The following MOCS1 variants were observed in gnomAD, a reference collection of about 807,000 sequenced individuals.
MOCS1 encodes molybdenum cofactor biosynthesis protein 1.
A neutral mutation model predicts 57.6 loss-of-function variants in MOCS1; 39 were observed. The observed-to-expected ratio is 0.68, with a 90% CI of 0.52 to 0.88. The LOEUF (loss-of-function observed/expected upper bound fraction) is 0.88, where lower values mean the gene tolerates loss of function less well. MOCS1 is among the 40% of genes least tolerant of loss of function. The pLI, the probability that MOCS1 is intolerant of heterozygous loss-of-function variation, is 0.00. For missense variants in MOCS1, 795 were observed against 831.1 expected (o/e 0.96, Z 0.53); for synonymous variants, 334 against 335.7 (o/e 1.00, Z 0.05).
chr6:39,904,507 T>C lies in MOCS1; in HGVS notation c.*1850A>G. ...TTAGATAAGTTTCTCTAGCTAATTT[T>C]GTGGCCAATGTAAAATTCGTCATCA... On this transcript the variant is annotated 3_prime_UTR_variant, in exon 11 of 11. Transcript: ENST00000340692. 2 of 454,396 alleles carry C rather than the reference T, an allele frequency of 4.4e-6. No homozygotes were observed. The highest frequency in any genetic ancestry group is 8.8e-6 in the Non-Finnish European group (2 of 226,966). 28.1% of individuals were successfully genotyped at this position (454,396 alleles called of 1,614,324 possible).
At chr6:39,925,403 C>T (rs1186837188) in intron 3 of MOCS1, among the ~76,000 whole-genome samples, 1 of 152,172 alleles carries the variant, frequency 6.6e-6, no homozygotes, top group Admixed American at 6.6e-5. Context: ...AGCCAGGTCA[C>T]GTGGGCCTCC....
intron 3 of MOCS1, among the ~76,000 whole-genome samples, chr6:39,920,243 A>G (rs1056059023): frequency 9.9e-5 from 15 of 152,222 alleles, no homozygotes; most frequent in African/African-American, 3.6e-4. Flanking sequence ...ATAATTTTAC[A>G]CTTGTTCAAC....
chr6:39,912,203 T>A, intron 8 of MOCS1, 61 bp downstream of exon 8: 1 of 1,253,498 alleles, frequency 8.0e-7, no homozygotes, highest in Non-Finnish European at 1.2e-6. Flanking sequence ...GGAGCACAGG[T>A]GGGAGGAGAC....
chr6:39,916,087 C>A lies in MOCS1; in HGVS notation c.564G>T (p.Glu188Asp), dbSNP rs780263625. 1.8e-5 allele frequency: 29 copies of A among 1,611,668 alleles called. No individual in the cohort carries two copies. The highest frequency in any genetic ancestry group is 2.2e-5 in the Non-Finnish European group (26 of 1,179,082). Residue 188 changes from glutamate (E) to aspartate (D), a missense_variant, in exon 4 of 11, where the codon GAG (glutamate) becomes GAT (aspartate). Around this residue, in one of 3 missense-constraint regions of MOCS1, gnomAD observed 416 missense variants for 392.4 expected, o/e 1.06. Coordinates refer to ENST00000340692, the MANE Select transcript of MOCS1 (RefSeq NM_001358530.2). The part of the protein sequence containing the change: ...SLDTLVPAKF[E>D]FIVRRKGFHK... The stretch of plus-strand genomic sequence containing the variant: ...GCTCACCTTTCCTGCGGACAATGAA[C>A]TCAAACTTGGCAGGCACCAGGGTGT...
rs1766927063 is a variant in MOCS1, at chr6:39,906,304, A to G, written c.*53T>C. ...GAACCTGACGTCTTTCCCTCAGCCT[A>G]CATTGCATCCCAGCTCCAGGCCTGG... On this transcript the variant is annotated 3_prime_UTR_variant, in exon 11 of 11. Transcript: ENST00000340692. The G allele has an allele frequency of 1.9e-6, 3 of 1,598,114 alleles. No individual in the cohort carries two copies. The highest frequency in any genetic ancestry group is 2.6e-6 in the Non-Finnish European group (3 of 1,168,312).
chr6:39,912,791 C>T (rs1422604530), intron 7 of MOCS1, 101 bp downstream of exon 7: 6 of 915,042 alleles, frequency 6.6e-6, no homozygotes, highest in Non-Finnish European at 1.1e-5. Flanking sequence ...CATCCCACAT[C>T]ACAGCATCCC....
In MOCS1 at chr6:39,934,446, C is replaced by G. The variant is rs1353483933; in HGVS notation, c.-29G>C. On this transcript the variant is annotated 5_prime_UTR_variant, in exon 1 of 11. Coordinates refer to ENST00000340692, the MANE Select transcript of MOCS1 (RefSeq NM_001358530.2). Reference sequence around the variant, plus strand: ...GCCTGATACGAGCGGAACCGCAGCCCGCTTCGGGAGCACACTGGCCGGGCA... The same window carrying G: ...GCCTGATACGAGCGGAACCGCAGCCGGCTTCGGGAGCACACTGGCCGGGCA... 1.3e-5 allele frequency: 20 copies of G among 1,559,132 alleles called. No homozygotes were observed. The highest frequency in any genetic ancestry group is 1.7e-5 in the Non-Finnish European group (20 of 1,159,200).
intron 8 of MOCS1, 108 bp from the exon 9 acceptor site, chr6:39,910,063 G>A: frequency 6.5e-7 from 1 of 1,527,898 alleles, no homozygotes; most frequent in Non-Finnish European, 9.0e-7. Flanking sequence ...GAGCACCAGG[G>A]CCCAGGCCTC....
intron 8 of MOCS1, among the ~76,000 whole-genome samples, 156 bp downstream of exon 8, chr6:39,912,108 T>C (rs1291461296): frequency 6.6e-6 from 1 of 152,178 alleles, no homozygotes; most frequent in Non-Finnish European, 1.5e-5. Context: ...CCTCACCTGC[T>C]GCTCCCATCA....
chr6:39,922,193 C>T (rs1314080874), intron 3 of MOCS1, among the ~76,000 whole-genome samples: 1 of 152,140 alleles, frequency 6.6e-6, no homozygotes, highest in Non-Finnish European at 1.5e-5. Flanking sequence ...TCATAAAATA[C>T]AAATTCAGTT....
chr6:39,906,488 G>C lies in MOCS1; in HGVS notation c.1780C>G (p.Leu594Val), dbSNP rs577245246. ...AGGGCGGCCACTGCAGCAGAGGTCA[G>C]GGCCTCCATCTCCACCCCGGTGGGG... is the stretch of plus-strand genomic sequence containing the variant. ...RGPTGVEMEA[L>V]TSAAVAALTL... is the part of the protein sequence containing the mutation. The change falls in exon 11 of 11, where the codon CTG (leucine) becomes GTG (valine). Residue 594 changes from leucine (L) to valine (V), a missense_variant. Coordinates refer to ENST00000340692, the MANE Select transcript of MOCS1 (RefSeq NM_001358530.2). The C allele has an allele frequency of 1.9e-4, 303 of 1,614,158 alleles. 6 individuals carry two copies. The South Asian group carries it at 3.2e-3, about 17-fold the overall frequency.
chr6:39,933,330 T>C (rs1320146127), intron 1 of MOCS1, among the ~76,000 whole-genome samples: 1 of 152,134 alleles, frequency 6.6e-6, no homozygotes, highest in Non-Finnish European at 1.5e-5. Flanking sequence ...TCAATGATGT[T>C]CAGAGTTTGA....
Position 39,913,754 on chromosome 6 carries a change from C to A in MOCS1, c.645+20G>T, listed in dbSNP as rs376501822. 6 of 1,613,698 alleles carry A rather than the reference C, an allele frequency of 3.7e-6. No individual in the cohort carries two copies. The highest frequency in any genetic ancestry group is 4.2e-6 in the Non-Finnish European group (5 of 1,179,590). ...AGTGTGGAGGGAAGTCGGGAATCTA[C>A]GGCAGGGGCACGGCCTCACCTTCAC... On this transcript the variant is annotated intron_variant, in intron 5 of 10. Coordinates refer to ENST00000340692, the MANE Select transcript of MOCS1 (RefSeq NM_001358530.2).
intron 3 of MOCS1, among the ~76,000 whole-genome samples, chr6:39,925,135 G>C (rs1229966480): frequency 6.6e-6 from 1 of 152,122 alleles, no homozygotes; most frequent in East Asian, 1.9e-4. Context: ...AAAAACACAT[G>C]TCGGCCCAGA....
At chr6:39,914,334 T>A (rs1455478162) in intron 4 of MOCS1, among the ~76,000 whole-genome samples, 1 of 152,218 alleles carries the variant, frequency 6.6e-6, no homozygotes, top group Non-Finnish European at 1.5e-5. Context: ...AGTGAGGCAA[T>A]GCTCTGCTCA....
At position 39,916,230 on chromosome 6, in the gene MOCS1, G is replaced by C. The variant is rs368942024; in HGVS notation, c.421C>G (p.Gln141Glu). 3.8e-5 allele frequency: 62 copies of C among 1,613,412 alleles called. No individual in the cohort carries two copies. In the Middle Eastern group the frequency reaches 3.6e-3, roughly 94 times the overall value. Residue 141 changes from glutamine (Q) to glutamate (E), a missense_variant and splice_region_variant, in exon 4 of 11, where the codon CAG becomes GAG. Physicochemically the swap from Gln to Glu is conservative, Grantham distance 29. Coordinates refer to ENST00000340692, the MANE Select transcript of MOCS1 (RefSeq NM_001358530.2). ...IRPDVVDIVAQLQRLEGLRTI... is the reference protein window; with the variant it reads ...IRPDVVDIVAELQRLEGLRTI... ...CTCAGCCCTTCCAGCCGCTGGAGCTGGGCTGTAAGGACAACAGAAAGGGGG... is the reference window on the plus strand; with the variant it reads ...CTCAGCCCTTCCAGCCGCTGGAGCTCGGCTGTAAGGACAACAGAAAGGGGG...
At position 39,906,715 on chromosome 6, in the gene MOCS1, G is replaced by A. The variant is rs1465823749; in HGVS notation, c.1553C>T (p.Ala518Val). The change falls in exon 11 of 11, where the codon GCC becomes GTC. Residue 518 changes from alanine (A) to valine (V), a missense_variant. Ala to Val is a moderately conservative substitution (Grantham distance 64, BLOSUM62 0). This residue lies in a region of MOCS1 where 374 missense variants were observed against 422.6 expected (regional missense o/e 0.89). Transcript: ENST00000340692. Reference sequence around the variant, plus strand: ...CTGGTTCTGCTGGACAAGCTTGAAGGCTACCGGTCCCAGGAGGACCACGGC... The same window carrying A: ...CTGGTTCTGCTGGACAAGCTTGAAGACTACCGGTCCCAGGAGGACCACGGC... ...ASAVVLLGPV[A>V]FKLVQQNQLK... is the part of the protein sequence containing the mutation. 1 of 1,614,190 alleles carries A rather than the reference G, an allele frequency of 6.2e-7. No homozygotes were observed. Among genetic ancestry groups the A allele is most frequent in the Non-Finnish European group, 8.5e-7 (1 of 1,180,038 alleles).
At chr6:39,916,839 C>T (rs185021273) in intron 3 of MOCS1, among the ~76,000 whole-genome samples, 2 of 152,278 alleles carry the variant, frequency 1.3e-5, no homozygotes, top group East Asian at 1.9e-4. Flanking sequence ...ACCGACCAGA[C>T]GGATAGAGAC....
intron 3 of MOCS1, among the ~76,000 whole-genome samples, chr6:39,921,268 G>A (rs550384911): frequency 4.6e-5 from 7 of 152,054 alleles, no homozygotes; most frequent in East Asian, 1.9e-4. Context: ...GCATGGTGGC[G>A]GGTGCCTGTA....
Sources: allele counts gnomAD v4.1 joint callset (sites outside exome capture counted in the v4.1 genomes callset), GRCh38; gene constraint gnomAD v4.1.1; regional missense constraint gnomAD v4.1.1; transcripts MANE v1.5; gene names NCBI Gene and HGNC (gene_info 2026-07-23, HGNC 2026-07-21).